The following ANKRD13C variants were observed in gnomAD, a reference collection of about 807,000 sequenced individuals.
The protein encoded by ANKRD13C is ankyrin repeat domain 13C.
ANKRD13C carries 16 observed loss-of-function variants against 65.5 expected under a neutral mutation model. The ratio of observed to expected loss-of-function variants is 0.24; its 90% confidence interval spans 0.17 to 0.37. The LOEUF is 0.37. Among genes scored for constraint, ANKRD13C ranks in the 10% least tolerant of loss-of-function variants. The pLI, the probability that ANKRD13C is intolerant of heterozygous loss-of-function variation, is 1.00. For missense variants in ANKRD13C, 503 were observed against 655.9 expected (o/e 0.77, Z 2.55); for synonymous variants, 235 against 238.7 (o/e 0.98, Z 0.14).
intron 3 of ANKRD13C, among the ~76,000 whole-genome samples, chr1:70,316,502 G>A (rs113633995): frequency 0.055 from 8,294 of 150,056 alleles, 296 homozygotes; most frequent in Non-Finnish European, 0.081. Flanking sequence ...GGGAAACATA[G>A]TAAGACCCCA....
At chr1:70,272,163 C>CTT (rs369467004) in intron 11 of ANKRD13C, among the ~76,000 whole-genome samples, 7 of 139,180 alleles carry the variant, frequency 5.0e-5, no homozygotes, top group African/African-American at 1.3e-4. Context: ...AGGTAATTTT[C>CTT]TTTTTTTTTT....
chr1:70,286,964 G>C lies in ANKRD13C; in HGVS notation c.1215+5424C>G, dbSNP rs559832477. Among the ~76,000 whole-genome samples, 13 of 152,062 alleles carry C rather than the reference G, an allele frequency of 8.5e-5. No homozygotes were observed. The South Asian group carries it at 2.7e-3, about 32-fold the overall frequency. On this transcript the variant is annotated intron_variant, in intron 9 of 12. Coordinates refer to ENST00000370944, the MANE Select transcript of ANKRD13C (RefSeq NM_030816.5). The stretch of plus-strand genomic sequence containing the variant: ...CGTGCCACTGCACTCCAGCCTGGGG[G>C]ATAGAACGAGACTCTGTCTCCAAGA...
At chr1:70,315,264 T>C (rs12048356) in intron 4 of ANKRD13C, among the ~76,000 whole-genome samples, 24,553 of 152,164 alleles carry the variant, frequency 0.16, 2,377 homozygotes, top group Non-Finnish European at 0.22. Flanking sequence ...TCTTATCTAA[T>C]TTATTGAAAG....
chr1:70,321,608 CAG>C (rs1375583173), intron 3 of ANKRD13C, among the ~76,000 whole-genome samples: 2 of 152,014 alleles, frequency 1.3e-5, no homozygotes, highest in African/African-American at 4.8e-5. Context: ...ATAAAGAAAC[CAG>C]AGCTGTCTCG....
intron 1 of ANKRD13C, among the ~76,000 whole-genome samples, chr1:70,337,657 G>T (rs939823371): frequency 2.0e-5 from 3 of 152,010 alleles, no homozygotes; most frequent in Non-Finnish European, 2.9e-5. Flanking sequence ...CAAAACCCTG[G>T]ATTACAGAAA....
At chr1:70,327,802 T>C (rs1254675015) in intron 2 of ANKRD13C, among the ~76,000 whole-genome samples, 3 of 152,236 alleles carry the variant, frequency 2.0e-5, no homozygotes, top group South Asian at 2.1e-4. Flanking sequence ...CAGTGGCTCA[T>C]GCCTGTAATC....
chr1:70,320,132 A>G (rs552937866), intron 3 of ANKRD13C, among the ~76,000 whole-genome samples: 13 of 152,298 alleles, frequency 8.5e-5, no homozygotes, highest in Non-Finnish European at 1.5e-4. Flanking sequence ...AAGCCAGCAG[A>G]GCTGACACAT....
chr1:70,353,915 G>A, intron 1 of ANKRD13C, 64 bp downstream of exon 1: 1 of 1,447,330 alleles, frequency 6.9e-7, no homozygotes. Flanking sequence ...GATTCCAGAA[G>A]CCTGGGGAGG....
intron 2 of ANKRD13C, among the ~76,000 whole-genome samples, chr1:70,332,606 C>T (rs1029922940): frequency 6.6e-6 from 1 of 152,074 alleles, no homozygotes; most frequent in African/African-American, 2.4e-5. Context: ...GTTGGGATTA[C>T]AGGCATGTGC....
intron 2 of ANKRD13C, among the ~76,000 whole-genome samples, chr1:70,326,231 CAAAAAAAAAAAAAAAAAAA>C (rs59618915): frequency 6.4e-5 from 2 of 31,070 alleles, no homozygotes; most frequent in African/African-American, 1.0e-4. Flanking sequence ...AACTCTGTCT[CAAAAAAAAAAAAAAAAAAA>C]AAAAAAAAAA....
chr1:70,332,428 A>C (rs1168356669), intron 2 of ANKRD13C, among the ~76,000 whole-genome samples: 2 of 152,176 alleles, frequency 1.3e-5, no homozygotes. Flanking sequence ...CCTGTACTTC[A>C]ATGGATGCAA....
intron 5 of ANKRD13C, among the ~76,000 whole-genome samples, chr1:70,311,431 C>T (rs887080774): frequency 6.6e-6 from 1 of 152,026 alleles, no homozygotes; most frequent in African/African-American, 2.4e-5. Flanking sequence ...GCTGAGATCG[C>T]GTGACTGCAT....
intron 1 of ANKRD13C, among the ~76,000 whole-genome samples, chr1:70,341,453 C>G (rs1481961847): frequency 1.3e-5 from 2 of 151,474 alleles, no homozygotes. Context: ...CCTCCGCCTC[C>G]CAGGTTCAAG....
chr1:70,271,998 T>C (rs1287219855), intron 11 of ANKRD13C, among the ~76,000 whole-genome samples: 1 of 152,172 alleles, frequency 6.6e-6, no homozygotes, highest in Non-Finnish European at 1.5e-5. Context: ...TTATTGTTTC[T>C]ACTGTATTTG....
At chr1:70,263,403 T>C (rs768979180) in intron 12 of ANKRD13C, among the ~76,000 whole-genome samples, 2 of 152,220 alleles carry the variant, frequency 1.3e-5, no homozygotes, top group East Asian at 1.9e-4. Flanking sequence ...ATGAAATATA[T>C]TTCTAGCTGA....
At chr1:70,300,948 ATT>A in intron 6 of ANKRD13C, 40 bp from the exon 7 acceptor site, 1 of 1,569,922 alleles carries the variant, frequency 6.4e-7, no homozygotes, top group South Asian at 1.2e-5. Flanking sequence ...GACAAATATA[ATT>A]TTGATAAAAC....
chr1:70,347,057 A>G (rs963007407), intron 1 of ANKRD13C, among the ~76,000 whole-genome samples: 4 of 132,752 alleles, frequency 3.0e-5, no homozygotes, highest in African/African-American at 1.1e-4. Flanking sequence ...GCGCCACTGC[A>G]CTCCAGCCTT....
chr1:70,297,527 C>T (rs1459378480), intron 7 of ANKRD13C, among the ~76,000 whole-genome samples: 2 of 147,940 alleles, frequency 1.4e-5, no homozygotes, highest in African/African-American at 4.9e-5. Context: ...CTCCTGACCT[C>T]GTGATCCGCC....
At chr1:70,335,342 G>A (rs565115032) in intron 2 of ANKRD13C, among the ~76,000 whole-genome samples, 8 of 151,314 alleles carry the variant, frequency 5.3e-5, no homozygotes, top group African/African-American at 1.7e-4. Context: ...GGAGGCAGAG[G>A]TTGCAGTGAG....
Sources: allele counts gnomAD v4.1 joint callset (sites outside exome capture counted in the v4.1 genomes callset), GRCh38; gene constraint gnomAD v4.1.1; transcripts MANE v1.5; gene names NCBI Gene and HGNC (gene_info 2026-07-23, HGNC 2026-07-21).